The following NEXN variants were observed in gnomAD, a reference collection of about 807,000 sequenced individuals.
NEXN encodes nexilin.
In NEXN, 65 loss-of-function variants were observed where a neutral mutation model predicts 92.6. The observed-to-expected ratio is 0.70, with a 90% confidence interval of 0.57 to 0.86. The LOEUF (loss-of-function observed/expected upper bound fraction) is 0.86, where lower values mean the gene tolerates loss of function less well. Among genes scored for constraint, NEXN ranks in the 40% least tolerant of loss-of-function variants. The pLI is 0.00. For missense variants in NEXN, 778 were observed against 771.1 expected (o/e 1.01, Z -0.11); for synonymous variants, 254 against 242.5 (o/e 1.05, Z -0.44).
rs2102092061 is a variant in NEXN, at chr1:77,917,672, GA to G, written c.137del (p.Asn46IlefsTer45). The G allele has an allele frequency of 6.2e-7, 1 of 1,612,638 alleles. No homozygotes were observed. The highest frequency in any genetic ancestry group is 8.5e-7 in the Non-Finnish European group (1 of 1,179,162). On this transcript the variant is annotated frameshift_variant, in exon 3 of 13. Transcript: ENST00000334785. LOFTEE classifies it high-confidence loss of function. Reference protein sequence around the residue: ...FEAMQRAREERNQRRSRDEKQ... With the variant: ...FEAMQRAREEXNQRRSRDEKQ... The stretch of plus-strand genomic sequence containing the variant: ...GCCATGCAGAGAGCCAGGGAAGAAA[GA>G]AATCAAAGGAGATCTAGAGACGAAA...
intron 1 of NEXN, among the ~76,000 whole-genome samples, chr1:77,898,755 C>G (rs1354707269): frequency 6.6e-6 from 1 of 152,082 alleles, no homozygotes; most frequent in Non-Finnish European, 1.5e-5. Context: ...TTTTCGCAAC[C>G]TACTCATCTG....
chr1:77,931,412 CAAAAAAAAAAAA>C (rs138490881), intron 9 of NEXN, among the ~76,000 whole-genome samples: 9 of 57,594 alleles, frequency 1.6e-4, no homozygotes, highest in African/African-American at 5.2e-4. Context: ...GACTCCGTCT[CAAAAAAAAAAAA>C]AAAAAAAAAA....
chr1:77,932,728 TACC>T (rs567760689), intron 9 of NEXN, among the ~76,000 whole-genome samples: 197 of 152,368 alleles, frequency 1.3e-3, no homozygotes, highest in Middle Eastern at 0.01. Flanking sequence ...AATAGATGGT[TACC>T]ATTTCCTTCA....
intron 1 of NEXN, among the ~76,000 whole-genome samples, chr1:77,904,795 A>T (rs1371554826): frequency 6.6e-6 from 1 of 152,150 alleles, no homozygotes; most frequent in East Asian, 1.9e-4. Context: ...TTAGAACCTT[A>T]CCTGTGTTTG....
intron 1 of NEXN, among the ~76,000 whole-genome samples, chr1:77,891,589 T>A (rs1274143097): frequency 6.6e-6 from 1 of 151,982 alleles, no homozygotes; most frequent in Admixed American, 6.6e-5. Context: ...CCCTGTCTTT[T>A]CTTCCCCTTC....
At chr1:77,908,324 C>T (rs1285774999) in intron 1 of NEXN, among the ~76,000 whole-genome samples, 1 of 151,950 alleles carries the variant, frequency 6.6e-6, no homozygotes, top group African/African-American at 2.4e-5. Context: ...ATTCTCCCAC[C>T]TCAGCCTCCC....
chr1:77,917,043 G>A (rs1404908531), intron 2 of NEXN, among the ~76,000 whole-genome samples: 1 of 152,172 alleles, frequency 6.6e-6, no homozygotes, highest in African/African-American at 2.4e-5. Flanking sequence ...CACAAATAAG[G>A]ACTAAAGGAC....
intron 1 of NEXN, among the ~76,000 whole-genome samples, chr1:77,901,550 C>T (rs1343662992): frequency 6.6e-6 from 1 of 152,106 alleles, no homozygotes; most frequent in Admixed American, 6.6e-5. Context: ...TCATCTTATT[C>T]TTCATAAGAA....
intron 9 of NEXN, among the ~76,000 whole-genome samples, chr1:77,929,737 G>A (rs967749909): frequency 2.0e-5 from 3 of 152,162 alleles, no homozygotes; most frequent in African/African-American, 7.2e-5. Context: ...CACAAAGGAT[G>A]GAATATTATC....
intron 5 of NEXN, among the ~76,000 whole-genome samples, chr1:77,922,667 A>G (rs1649522561): frequency 6.6e-6 from 1 of 150,420 alleles, no homozygotes; most frequent in African/African-American, 2.5e-5. Context: ...GCACGATCTC[A>G]GCTCACTGCA....
At position 77,926,884 on chromosome 1, in the gene NEXN, C is replaced by T. The variant is rs199917913; in HGVS notation, c.856C>T (p.Arg286Trp). 129 of 1,613,526 alleles carry T rather than the reference C, an allele frequency of 8.0e-5. No homozygotes were observed. The highest frequency in any genetic ancestry group is 5.3e-5 in the African/African-American group (4 of 74,840). Residue 286 changes from arginine (R) to tryptophan (W), a missense_variant, in exon 8 of 13, where the codon CGG (arginine) becomes TGG (tryptophan). Arg to Trp is a moderately radical substitution (Grantham distance 101). Coordinates refer to ENST00000334785, the MANE Select transcript of NEXN (RefSeq NM_144573.4). ...EEKRAFEEAR[R>W]QMVNEDEENQ... Reference sequence around the variant, plus strand: ...GAAGCGTGCTTTTGAAGAAGCAAGGCGGCAAATGGTAAATCTACATATTTA... The same window carrying T: ...GAAGCGTGCTTTTGAAGAAGCAAGGTGGCAAATGGTAAATCTACATATTTA...
At chr1:77,927,658 G>A (rs1376288929) in intron 8 of NEXN, among the ~76,000 whole-genome samples, 1 of 151,864 alleles carries the variant, frequency 6.6e-6, no homozygotes, top group Non-Finnish European at 1.5e-5. Context: ...CATGGATTGT[G>A]GGGCCAGATT....
chr1:77,929,868 A>C (rs1457733341), intron 9 of NEXN, among the ~76,000 whole-genome samples: 1 of 151,222 alleles, frequency 6.6e-6, no homozygotes, highest in African/African-American at 2.4e-5. Context: ...TCCTTCCCAT[A>C]CTCCCTTTCT....
At chr1:77,903,903 C>T (rs887390066) in intron 1 of NEXN, among the ~76,000 whole-genome samples, 2 of 151,782 alleles carry the variant, frequency 1.3e-5, no homozygotes, top group East Asian at 1.9e-4. Context: ...CCAGCCTGGG[C>T]GACAGAGTGA....
intron 5 of NEXN, among the ~76,000 whole-genome samples, chr1:77,922,886 C>T (rs904009392): frequency 8.6e-5 from 13 of 151,732 alleles, no homozygotes; most frequent in South Asian, 2.1e-4. Context: ...TGAGCCACAG[C>T]GCCTGGCCAC....
At chr1:77,926,666 C>T (rs1435037864) in intron 7 of NEXN, 50 bp from the exon 8 acceptor site, 1 of 1,613,676 alleles carries the variant, frequency 6.2e-7, no homozygotes, top group Non-Finnish European at 8.5e-7. Flanking sequence ...TTTAAGTTAG[C>T]AGCATTTTCC....
intron 1 of NEXN, chr1:77,889,327 G>T (rs1470190867): frequency 1.5e-5 from 2 of 133,110 alleles, no homozygotes; most frequent in South Asian, 2.4e-4. Context: ...CCACACCCCC[G>T]CATATCCCCC....
Position 77,920,670 on chromosome 1 carries a change from T to C in NEXN, c.447+2397T>C, listed in dbSNP as rs529393640. ...GTGGGGGGTGGGTGGGGATTAATAG[T>C]AGATACAGTGGATGTTAGAATCAAT... On this transcript the variant is annotated intron_variant, in intron 5 of 12. Coordinates refer to ENST00000334785, the MANE Select transcript of NEXN (RefSeq NM_144573.4). 2.0e-5 allele frequency among the ~76,000 whole-genome samples: 3 copies of C among 149,034 alleles called. No individual in the cohort carries two copies. In the East Asian group the frequency reaches 5.9e-4, roughly 29 times the overall value.
intron 5 of NEXN, among the ~76,000 whole-genome samples, chr1:77,921,198 A>G (rs1020549163): frequency 6.6e-6 from 1 of 152,128 alleles, no homozygotes; most frequent in Admixed American, 6.6e-5. Context: ...ACAGACAAAC[A>G]ACTTAGCCAG....
Sources: allele counts gnomAD v4.1 joint callset (sites outside exome capture counted in the v4.1 genomes callset), GRCh38; gene constraint gnomAD v4.1.1; transcripts MANE v1.5; gene names NCBI Gene and HGNC (gene_info 2026-07-23, HGNC 2026-07-21).